Variants in LTBP1 observed in about 807,000 individuals in gnomAD.
The protein encoded by LTBP1 is latent transforming growth factor beta binding protein 1, also known as latent-transforming growth factor beta-binding protein 1.
LTBP1 carries 129 observed loss-of-function variants against 207.6 expected under a neutral mutation model. That is an observed-to-expected ratio of 0.62 (90% CI 0.54 to 0.72). The LOEUF is 0.72. Ranked by LOEUF, LTBP1 falls within the 30% of genes least tolerant of loss-of-function variation. LTBP1 has a pLI of 0.00. For synonymous variants in LTBP1, 963 were observed against 833.7 expected (o/e 1.16, Z -2.67); for missense variants, 2,281 against 2,217.2 (o/e 1.03, Z -0.58).
At chr2:33,279,460 G>A (rs574487107) in intron 18 of LTBP1, among the ~76,000 whole-genome samples, 176 of 151,802 alleles carry the variant, frequency 1.2e-3, no homozygotes, top group African/African-American at 3.6e-3. Context: ...TCATATCACC[G>A]TGTTTTCTGG....
chr2:33,256,135 T>A (rs2147812971), intron 11 of LTBP1, among the ~76,000 whole-genome samples: 1 of 152,210 alleles, frequency 6.6e-6, no homozygotes, highest in Admixed American at 6.5e-5. Flanking sequence ...TAGTGATTGA[T>A]TCCAGGGCAC....
At chr2:33,100,628 C>G (rs562342146) in intron 3 of LTBP1, among the ~76,000 whole-genome samples, 18 of 152,256 alleles carry the variant, frequency 1.2e-4, no homozygotes, top group African/African-American at 4.1e-4. Flanking sequence ...GCAACCATCA[C>G]TACTTTCTGT....
intron 5 of LTBP1, among the ~76,000 whole-genome samples, chr2:33,170,323 G>A (rs902075529): frequency 3.3e-5 from 5 of 152,130 alleles, no homozygotes; most frequent in Non-Finnish European, 7.4e-5. Context: ...TTTCCGACGG[G>A]CTTAAAAAAC....
chr2:33,328,818 A>G (rs575837692), intron 24 of LTBP1, among the ~76,000 whole-genome samples: 1 of 152,296 alleles, frequency 6.6e-6, no homozygotes, highest in South Asian at 2.1e-4. Flanking sequence ...TCTTTTATTC[A>G]ACATTGCATT....
intron 3 of LTBP1, among the ~76,000 whole-genome samples, chr2:33,060,611 C>A (rs1042416316): frequency 3.3e-5 from 5 of 149,404 alleles, no homozygotes; most frequent in Non-Finnish European, 4.4e-5. Context: ...AGGGAGGGAA[C>A]TTTTAATACC....
chr2:33,300,315 A>C (rs935996), intron 20 of LTBP1, 136 bp from the exon 21 acceptor site: 370,541 of 706,432 alleles, frequency 0.52, 99,633 homozygotes, highest in African/African-American at 0.72. Context: ...TGGAGTGATA[A>C]ATACTAAAGT....
chr2:33,097,637 A>G (rs2150099124), intron 3 of LTBP1, among the ~76,000 whole-genome samples: 1 of 152,334 alleles, frequency 6.6e-6, no homozygotes, highest in African/African-American at 2.4e-5. Flanking sequence ...AGTAGTATTA[A>G]TAATGTGGTG....
intron 24 of LTBP1, among the ~76,000 whole-genome samples, chr2:33,316,457 G>T (rs1246765696): frequency 1.3e-5 from 2 of 152,160 alleles, no homozygotes; most frequent in Admixed American, 6.5e-5. Context: ...ATATTGGGAG[G>T]AATAAACTGA....
At chr2:33,157,782 C>T (rs955141894) in intron 5 of LTBP1, among the ~76,000 whole-genome samples, 65 of 152,108 alleles carry the variant, frequency 4.3e-4, no homozygotes, top group Non-Finnish European at 1.3e-4. Context: ...CTGACCTGTG[C>T]CCACCCAAAT....
intron 32 of LTBP1, among the ~76,000 whole-genome samples, chr2:33,392,989 T>A (rs1187437159): frequency 6.6e-6 from 1 of 151,960 alleles, no homozygotes; most frequent in East Asian, 1.9e-4. Flanking sequence ...ACTCTTGTTC[T>A]CCTTTAAAGT....
intron 32 of LTBP1, among the ~76,000 whole-genome samples, chr2:33,394,221 A>G: frequency 6.6e-6 from 1 of 152,096 alleles, no homozygotes; most frequent in South Asian, 2.1e-4. Context: ...GTAGATTGTA[A>G]AAATTTTCTC....
At chr2:33,359,551 T>TA (rs1260506752) in intron 26 of LTBP1, among the ~76,000 whole-genome samples, 6 of 152,214 alleles carry the variant, frequency 3.9e-5, no homozygotes, top group Admixed American at 3.9e-4. Context: ...CTTTTGACCT[T>TA]AGAGTTTGAG....
intron 31 of LTBP1, among the ~76,000 whole-genome samples, chr2:33,377,976 C>T (rs932851474): frequency 2.0e-5 from 3 of 152,142 alleles, no homozygotes; most frequent in African/African-American, 7.2e-5. Flanking sequence ...GTCGGGATTA[C>T]AATTCAAGAT....
rs531169865 is a variant in LTBP1, at chr2:33,296,065, A to C, written c.3235+2783A>C. 3.2e-4 allele frequency among the ~76,000 whole-genome samples: 48 copies of C among 152,284 alleles called. No homozygotes were observed. The South Asian group carries it at 8.7e-3, about 28-fold the overall frequency. Reference sequence around the variant, plus strand: ...CTTAAGCCAGGTATCTCCTCAGACCAAATTAAATATGAGAAGCATCTGAAA... The same window carrying C: ...CTTAAGCCAGGTATCTCCTCAGACCCAATTAAATATGAGAAGCATCTGAAA... On this transcript the variant is annotated intron_variant, in intron 20 of 33. Coordinates refer to ENST00000404816, the MANE Select transcript of LTBP1 (RefSeq NM_206943.4).
chr2:32,952,865 G>A (rs1166335760), intron 2 of LTBP1, among the ~76,000 whole-genome samples: 1 of 152,202 alleles, frequency 6.6e-6, no homozygotes, highest in African/African-American at 2.4e-5. Flanking sequence ...GAAGAGAGAT[G>A]ATGGCAGATA....
intron 9 of LTBP1, among the ~76,000 whole-genome samples, chr2:33,237,653 ATCT>A (rs1283735084): frequency 2.0e-5 from 3 of 152,220 alleles, no homozygotes; most frequent in Non-Finnish European, 2.9e-5. Context: ...GTAAAGCCAG[ATCT>A]TCTTATGAAA....
chr2:33,330,975 C>T (rs2094486934), intron 24 of LTBP1, among the ~76,000 whole-genome samples: 1 of 151,770 alleles, frequency 6.6e-6, no homozygotes, highest in Non-Finnish European at 1.5e-5. Context: ...AGGCTTTTGA[C>T]TTTTCATGTC....
At chr2:32,968,362 T>C (rs889568512) in intron 2 of LTBP1, among the ~76,000 whole-genome samples, 1 of 152,228 alleles carries the variant, frequency 6.6e-6, no homozygotes. Context: ...ACACTTTTAT[T>C]ATATGTAATG....
intron 19 of LTBP1, among the ~76,000 whole-genome samples, chr2:33,284,885 C>T (rs1208680235): frequency 1.3e-5 from 2 of 152,102 alleles, no homozygotes. Flanking sequence ...CAATATGAAG[C>T]ACCTAGTAGG....
Sources: allele counts gnomAD v4.1 joint callset (sites outside exome capture counted in the v4.1 genomes callset), GRCh38; gene constraint gnomAD v4.1.1; transcripts MANE v1.5; gene names NCBI Gene and HGNC (gene_info 2026-07-23, HGNC 2026-07-21).